The following HACD3 variants were observed in gnomAD, a reference collection of about 807,000 sequenced individuals.
HACD3 encodes 3-hydroxyacyl-CoA dehydratase 3.
HACD3 carries 30 observed loss-of-function variants against 55.2 expected under a neutral mutation model. That is an observed-to-expected ratio of 0.54 (90% CI 0.41 to 0.74). The LOEUF (loss-of-function observed/expected upper bound fraction) is 0.74, where lower values mean the gene tolerates loss of function less well. Among genes scored for constraint, HACD3 ranks in the 30% least tolerant of loss-of-function variants. The pLI is 0.00. For synonymous variants in HACD3, 141 were observed against 151.7 expected (o/e 0.93, Z 0.52); for missense variants, 363 against 440.1 (o/e 0.82, Z 1.57).
At chr15:65,559,063 A>G (rs994469583) in intron 5 of HACD3, among the ~76,000 whole-genome samples, 3 of 152,134 alleles carry the variant, frequency 2.0e-5, no homozygotes, top group Non-Finnish European at 4.4e-5. Flanking sequence ...CCAAGGCTAC[A>G]CTCCTTCAGC....
intron 3 of HACD3, among the ~76,000 whole-genome samples, chr15:65,556,355 C>T (rs897202405): frequency 1.3e-5 from 2 of 152,178 alleles, no homozygotes; most frequent in African/African-American, 4.8e-5. Flanking sequence ...AGTGAGCAAC[C>T]TAGATTCCTT....
intron 5 of HACD3, among the ~76,000 whole-genome samples, chr15:65,559,434 A>G (rs767990568): frequency 2.6e-5 from 4 of 151,660 alleles, no homozygotes; most frequent in Admixed American, 6.6e-5. Flanking sequence ...GCAGAATGAA[A>G]TAAGTCCTTC....
chr15:65,571,602 G>T lies in HACD3; in HGVS notation c.828G>T (p.Trp276Cys), dbSNP rs752337662. 4.3e-6 allele frequency: 7 copies of T among 1,613,768 alleles called. No homozygotes were observed. The Admixed American group carries it at 1.2e-4, about 27-fold the overall frequency. Residue 276 changes from tryptophan to cysteine, a missense_variant, in exon 9 of 11, where the codon TGG becomes TGT. By Grantham distance (215) the Trp-to-Cys change is radical. Coordinates refer to ENST00000261875, the MANE Select transcript of HACD3 (RefSeq NM_016395.4). ...ACATGGATTGGAAGGTGCTCACATG[G>T]CTTCGTTACACTCTGTGGATTCCCT... ...CIDMDWKVLT[W>C]LRYTLWIPLY...
At chr15:65,560,117 T>A (rs2072230497) in intron 5 of HACD3, among the ~76,000 whole-genome samples, 1 of 151,906 alleles carries the variant, frequency 6.6e-6, no homozygotes, top group Non-Finnish European at 1.5e-5. Context: ...GCTCAAGTGA[T>A]CCTTCTACCT....
intron 7 of HACD3, among the ~76,000 whole-genome samples, chr15:65,569,330 A>G (rs1016981997): frequency 6.6e-6 from 1 of 152,150 alleles, no homozygotes; most frequent in South Asian, 2.1e-4. Context: ...AGAATGATAC[A>G]TATAGAATGA....
chr15:65,530,643 G>C lies in HACD3; in HGVS notation c.12G>C (p.Gln4His). 6.3e-7 allele frequency: 1 copy of C among 1,579,584 alleles called. No individual in the cohort carries two copies. The highest frequency in any genetic ancestry group is 8.6e-7 in the Non-Finnish European group (1 of 1,163,776). The stretch of plus-strand genomic sequence containing the variant: ...TGGGCAGTGTGGCCATGGAGAATCA[G>C]GTGTTGACGCCGCATGTCTACTGGG... MENQVLTPHVYWAQ... is the reference protein window; with the variant it reads MENHVLTPHVYWAQ... Residue 4 changes from glutamine to histidine, a missense_variant, in exon 1 of 11, where the codon CAG (glutamine) becomes CAC (histidine). Coordinates refer to ENST00000261875, the MANE Select transcript of HACD3 (RefSeq NM_016395.4).
rs192970865 is a variant in HACD3, at chr15:65,552,550, G to T, written c.130+832G>T. ...AGGGTTTCACTATGTTGTCCAGGCT[G>T]GTCTTGAACTCCTGACCTCAAGTGA... On this transcript the variant is annotated intron_variant, in intron 2 of 10. Transcript: ENST00000261875. 1.9e-3 allele frequency among the ~76,000 whole-genome samples: 282 copies of T among 152,088 alleles called. 3 individuals carry two copies. The highest frequency in any genetic ancestry group is 0.013 in the Admixed American group (193 of 15,266).
Position 65,576,373 on chromosome 15 carries a change from C to T in HACD3, c.1083C>T (p.Ile361=). 1 of 1,598,332 alleles carries T rather than the reference C, an allele frequency of 6.3e-7. No individual in the cohort carries two copies. Among genetic ancestry groups the T allele is most frequent in the Non-Finnish European group, 8.5e-7 (1 of 1,172,216 alleles). Residue 361 remains isoleucine (I), a synonymous_variant, in exon 11 of 11, where the codon ATC becomes ATT. Coordinates refer to ENST00000261875, the MANE Select transcript of HACD3 (RefSeq NM_016395.4). ...GCTATGGACAAAAAAAGAAAAAGATCCACTAAAAAGAAAGATTTAGATGGC... is the reference window on the plus strand; with the variant it reads ...GCTATGGACAAAAAAAGAAAAAGATTCACTAAAAAGAAAGATTTAGATGGC... ...RRRYGQKKKK[I]H is the part of the protein sequence containing the mutation.
intron 7 of HACD3, among the ~76,000 whole-genome samples, chr15:65,567,817 C>T (rs1315137475): frequency 6.6e-6 from 1 of 152,060 alleles, no homozygotes; most frequent in Non-Finnish European, 1.5e-5. Context: ...CTAGATGATT[C>T]TGCTTACATG....
At chr15:65,533,001 A>C (rs2141200548) in intron 1 of HACD3, among the ~76,000 whole-genome samples, 1 of 152,296 alleles carries the variant, frequency 6.6e-6, no homozygotes, top group South Asian at 2.1e-4. Flanking sequence ...GGAATTTGTT[A>C]CCTTTCTTTC....
At chr15:65,538,719 A>G (rs991442551) in intron 1 of HACD3, among the ~76,000 whole-genome samples, 12 of 152,216 alleles carry the variant, frequency 7.9e-5, no homozygotes, top group African/African-American at 2.9e-4. Context: ...CTGCAAAGAA[A>G]TCTTTAGTGA....
chr15:65,537,816 T>G (rs1203153452), intron 1 of HACD3, among the ~76,000 whole-genome samples: 1 of 62,934 alleles, frequency 1.6e-5, no homozygotes, highest in Non-Finnish European at 3.4e-5. Flanking sequence ...AAAAGAATTA[T>G]GCTAAATCTA....
intron 7 of HACD3, among the ~76,000 whole-genome samples, chr15:65,567,189 G>A (rs2072300589): frequency 6.6e-6 from 1 of 152,086 alleles, no homozygotes; most frequent in African/African-American, 2.4e-5. Context: ...GCATGGTGAT[G>A]TGCACCTATA....
intron 10 of HACD3, among the ~76,000 whole-genome samples, chr15:65,572,945 A>G (rs1039957442): frequency 2.0e-4 from 30 of 147,928 alleles, no homozygotes; most frequent in Non-Finnish European, 3.6e-4. Flanking sequence ...TAAATAAATA[A>G]AAATTAAAAA....
intron 5 of HACD3, among the ~76,000 whole-genome samples, chr15:65,561,225 G>T (rs904870247): frequency 2.6e-5 from 4 of 152,174 alleles, no homozygotes; most frequent in Admixed American, 2.6e-4. Flanking sequence ...CCAGCACTTT[G>T]GGAGGCCAAG....
chr15:65,562,714 C>T (rs1272316476), intron 5 of HACD3, 60 bp from the exon 6 acceptor site: 1 of 1,577,284 alleles, frequency 6.3e-7, no homozygotes, highest in Non-Finnish European at 8.6e-7. Flanking sequence ...ATGCCTCATA[C>T]ACCTGTCTCC....
chr15:65,568,493 G>A lies in HACD3; in HGVS notation c.661-1598G>A, dbSNP rs1042531471. Among the ~76,000 whole-genome samples, 5 of 151,628 alleles carry A rather than the reference G, an allele frequency of 3.3e-5. No individual in the cohort carries two copies. In the East Asian group the frequency reaches 9.7e-4, roughly 30 times the overall value. ...CCTACCTCAGCCTCCCGAGTAGCTG[G>A]GACTACAGGCATCTGCCACCACGCC... On this transcript the variant is annotated intron_variant, in intron 7 of 10. Coordinates refer to ENST00000261875, the MANE Select transcript of HACD3 (RefSeq NM_016395.4).
Position 65,571,669 on chromosome 15 carries a change from T to C in HACD3, c.880+15T>C, listed in dbSNP as rs557815884. Reference sequence around the variant, plus strand: ...TTTGGCGGAAGGTACTCTCAGGGACTCTTAGCTTTCATAGCTTAGCTCCAG... The same window carrying C: ...TTTGGCGGAAGGTACTCTCAGGGACCCTTAGCTTTCATAGCTTAGCTCCAG... On this transcript the variant is annotated intron_variant, in intron 9 of 10. Coordinates refer to ENST00000261875, the MANE Select transcript of HACD3 (RefSeq NM_016395.4). 2 of 1,587,176 alleles carry C rather than the reference T, an allele frequency of 1.3e-6. No individual in the cohort carries two copies. Among genetic ancestry groups the C allele is most frequent in the South Asian group, 1.1e-5 (1 of 90,276 alleles).
At chr15:65,547,907 G>T (rs115040060) in intron 1 of HACD3, among the ~76,000 whole-genome samples, 545 of 152,324 alleles carry the variant, frequency 3.6e-3, no homozygotes, top group African/African-American at 0.012. Flanking sequence ...GTCAGGTCAA[G>T]AGGGGCAGTT....
Sources: allele counts gnomAD v4.1 joint callset (sites outside exome capture counted in the v4.1 genomes callset), GRCh38; gene constraint gnomAD v4.1.1; transcripts MANE v1.5; gene names NCBI Gene and HGNC (gene_info 2026-07-23, HGNC 2026-07-21).